MEF2A: variants seen among roughly 807,000 people sequenced by gnomAD.
The protein encoded by MEF2A is myocyte-specific enhancer factor 2A.
MEF2A carries 28 observed loss-of-function variants against 55.8 expected under a neutral mutation model. That is an observed-to-expected ratio of 0.50 (90% CI 0.37 to 0.69). The LOEUF is 0.69. Among genes scored for constraint, MEF2A ranks in the 30% least tolerant of loss-of-function variants. MEF2A has a pLI of 0.00. For missense variants in MEF2A, 528 were observed against 626.2 expected (o/e 0.84, Z 1.67); for synonymous variants, 239 against 227.1 (o/e 1.05, Z -0.47).
intron 2 of MEF2A, among the ~76,000 whole-genome samples, chr15:99,626,030 T>C (rs2153348982): frequency 6.6e-6 from 1 of 152,220 alleles, no homozygotes; most frequent in East Asian, 1.9e-4. Flanking sequence ...GGAGGATTGG[T>C]GTTAGTTCTT....
intron 1 of MEF2A, among the ~76,000 whole-genome samples, chr15:99,593,130 C>A (rs888214307): frequency 1.3e-5 from 2 of 152,098 alleles, no homozygotes; most frequent in African/African-American, 4.8e-5. Flanking sequence ...GCTCTAGAAT[C>A]CCTCTGCAGA....
chr15:99,606,269 A>G (rs1230619458), intron 2 of MEF2A, among the ~76,000 whole-genome samples: 1 of 152,224 alleles, frequency 6.6e-6, no homozygotes, highest in Non-Finnish European at 1.5e-5. Flanking sequence ...ATATTTCAAC[A>G]TGAAAGACAA....
intron 1 of MEF2A, among the ~76,000 whole-genome samples, chr15:99,580,653 A>T (rs1340831176): frequency 2.0e-5 from 3 of 152,232 alleles, no homozygotes; most frequent in Non-Finnish European, 4.4e-5. Flanking sequence ...TTGTGTCTAT[A>T]ATATAAATAG....
At chr15:99,645,507 A>C in intron 3 of MEF2A, 54 bp from the exon 4 acceptor site, 1 of 1,290,192 alleles carries the variant, frequency 7.8e-7, no homozygotes, top group Non-Finnish European at 1.1e-6. Context: ...CAGATAGCCC[A>C]TATTCAAGTA....
At chr15:99,593,961 C>G (rs2152994093) in intron 1 of MEF2A, among the ~76,000 whole-genome samples, 1 of 152,132 alleles carries the variant, frequency 6.6e-6, no homozygotes, top group East Asian at 1.9e-4. Context: ...TTTCACACAC[C>G]ACTCACCACA....
intron 2 of MEF2A, among the ~76,000 whole-genome samples, chr15:99,611,252 C>T (rs1977182411): frequency 6.6e-6 from 1 of 152,208 alleles, no homozygotes; most frequent in South Asian, 2.1e-4. Context: ...AAAAACAAAA[C>T]AAAACAAAAC....
chr15:99,654,694 C>A (rs1468616186), intron 4 of MEF2A, among the ~76,000 whole-genome samples: 2 of 152,080 alleles, frequency 1.3e-5, no homozygotes, highest in Non-Finnish European at 1.5e-5. Flanking sequence ...ATTGTCTTCA[C>A]ACTGGCTTTT....
rs563033845 is a variant in MEF2A, at chr15:99,594,845, T to G, written c.-224-3585T>G. On this transcript the variant is annotated intron_variant, in intron 1 of 11. Coordinates refer to ENST00000557942, the MANE Select transcript of MEF2A (RefSeq NM_001319206.4). Reference sequence around the variant, plus strand: ...TATTTTAAAGGGTGTTATGAAATTATCAGTAATTGTAAATACTTCAAAGCA... The same window carrying G: ...TATTTTAAAGGGTGTTATGAAATTAGCAGTAATTGTAAATACTTCAAAGCA... Among the ~76,000 whole-genome samples the G allele has an allele frequency of 3.3e-5, 5 of 152,364 alleles. No individual in the cohort carries two copies. In the East Asian group the frequency reaches 9.6e-4, roughly 29 times the overall value.
intron 2 of MEF2A, among the ~76,000 whole-genome samples, chr15:99,611,967 T>C (rs1194429467): frequency 1.3e-5 from 2 of 152,090 alleles, no homozygotes; most frequent in East Asian, 1.9e-4. Context: ...GCAAATTCCA[T>C]AGAGACAGAA....
Position 99,694,001 on chromosome 15 carries a change from T to TA in MEF2A, c.858+3574dup, listed in dbSNP as rs1349905431. On this transcript the variant is annotated intron_variant, in intron 8 of 11. Coordinates refer to ENST00000557942, the MANE Select transcript of MEF2A (RefSeq NM_001319206.4). The stretch of plus-strand genomic sequence containing the variant: ...GTCACAACTATTGAACCACTACTGA[T>TA]ACGTTATTATTAACTGAAATTCGCA... 2.6e-5 allele frequency among the ~76,000 whole-genome samples: 4 copies of TA among 152,350 alleles called. No individual in the cohort carries two copies. In the South Asian group the frequency reaches 8.3e-4, roughly 32 times the overall value.
chr15:99,652,422 A>G (rs1315478677), intron 4 of MEF2A, among the ~76,000 whole-genome samples: 7 of 152,172 alleles, frequency 4.6e-5, no homozygotes, highest in Non-Finnish European at 8.8e-5. Flanking sequence ...CTGCTGTGCA[A>G]CCTGGTTCCT....
At position 99,712,710 on chromosome 15, in the gene MEF2A, A is replaced by T; in HGVS notation, c.1457A>T (p.Asn486Ile). 6.4e-7 allele frequency: 1 copy of T among 1,565,230 alleles called. No homozygotes were observed. Among genetic ancestry groups the T allele is most frequent in the Non-Finnish European group, 8.7e-7 (1 of 1,154,780 alleles). ...HSPIVLGRPPNTEDRESPSVK... is the reference protein window; with the variant it reads ...HSPIVLGRPPITEDRESPSVK... ...CCAATTGTGCTTGGCCGACCCCCAA[A>T]CACTGAGGACAGAGAAAGCCCTTCT... Residue 486 changes from asparagine to isoleucine, a missense_variant, in exon 12 of 12, where the codon AAC (asparagine) becomes ATC (isoleucine). Coordinates refer to ENST00000557942, the MANE Select transcript of MEF2A (RefSeq NM_001319206.4). This position sits in a 1 kb window ranked among gnomAD's most constrained non-coding sequence, Gnocchi z 4.1.
chr15:99,586,116 A>G (rs1419290409), intron 1 of MEF2A, among the ~76,000 whole-genome samples: 1 of 152,206 alleles, frequency 6.6e-6, no homozygotes, highest in Non-Finnish European at 1.5e-5. Flanking sequence ...AGTATTATGA[A>G]TAAAGTTGCT....
At chr15:99,567,046 TAAG>T (rs1478354986) in intron 1 of MEF2A, among the ~76,000 whole-genome samples, 2 of 152,270 alleles carry the variant, frequency 1.3e-5, no homozygotes, top group African/African-American at 4.8e-5. Flanking sequence ...CAATCCTGAA[TAAG>T]AAAACAGTTT....
chr15:99,612,327 G>T (rs2039408812), intron 2 of MEF2A, among the ~76,000 whole-genome samples: 1 of 151,956 alleles, frequency 6.6e-6, no homozygotes, highest in Non-Finnish European at 1.5e-5. Flanking sequence ...TGAGGCAGGA[G>T]AATGGCATGA....
Position 99,712,912 on chromosome 15 carries a change from T to TATGA in MEF2A, c.*141_*142insATGA. 1 of 895,118 alleles carries TATGA rather than the reference T, an allele frequency of 1.1e-6. No homozygotes were observed. 55.4% of individuals were successfully genotyped at this position (895,118 alleles called of 1,614,324 possible). On this transcript the variant is annotated 3_prime_UTR_variant, in exon 12 of 12. Coordinates refer to ENST00000557942, the MANE Select transcript of MEF2A (RefSeq NM_001319206.4). The surrounding 1 kb of genome is among the most constrained non-coding windows in gnomAD (Gnocchi z 4.1). ...CCCTTTACATATATATGTATGTGGG[T>TATGA]GTGAGTGTGTATGTGTGGGTGTGTG...
intron 1 of MEF2A, among the ~76,000 whole-genome samples, chr15:99,577,201 A>T (rs980684684): frequency 4.6e-5 from 7 of 152,242 alleles, no homozygotes; most frequent in Admixed American, 4.6e-4. Flanking sequence ...AAGTGCTATA[A>T]AGCATAGTGG....
At chr15:99,593,350 G>A (rs1387993870) in intron 1 of MEF2A, among the ~76,000 whole-genome samples, 1 of 152,078 alleles carries the variant, frequency 6.6e-6, no homozygotes. Context: ...CTCACAGTGC[G>A]GGGCTGTTCA....
chr15:99,602,204 C>T (rs188553035), intron 2 of MEF2A, among the ~76,000 whole-genome samples: 2 of 152,192 alleles, frequency 1.3e-5, no homozygotes, highest in South Asian at 2.1e-4. Context: ...AAGTGGGCAG[C>T]GTGAGAGATC....
Sources: gnomAD v4.1 joint callset for allele counts (sites outside exome capture counted in the v4.1 genomes callset) on GRCh38, gnomAD v4.1.1 for gene constraint, Gnocchi (gnomAD v3.1) non-coding constraint, MANE v1.5 for transcripts, NCBI Gene and HGNC (gene_info 2026-07-23, HGNC 2026-07-21) for gene names.